PAX2: variants seen among roughly 807,000 people sequenced by gnomAD.
PAX2 encodes paired box 2.
In PAX2, 9 loss-of-function variants were observed where a neutral mutation model predicts 41.7. The observed-to-expected ratio is 0.22, with a 90% CI of 0.13 to 0.38. The LOEUF (loss-of-function observed/expected upper bound fraction) is 0.38, where lower values mean the gene tolerates loss of function less well. PAX2 is among the 10% of genes least tolerant of loss of function. The probability of loss-of-function intolerance (pLI) is 1.00; values close to 1 mark genes in which losing one functional copy is unlikely to be tolerated. For synonymous variants in PAX2, 221 were observed against 212.7 expected, an observed-to-expected ratio of 1.04 and a Z score of -0.34; for missense variants, 418 against 531.6, an observed-to-expected ratio of 0.79 and a Z score of 2.10.
chr10:100,790,137 A>T (rs1400668350), intron 5 of PAX2, among the ~76,000 whole-genome samples: 1 of 152,196 alleles, frequency 6.6e-6, no homozygotes, highest in African/African-American at 2.4e-5. Context: ...TTGTTTGGGG[A>T]AGTATTTTGG....
intron 5 of PAX2, among the ~76,000 whole-genome samples, chr10:100,788,915 C>T (rs1400310878): frequency 6.6e-6 from 1 of 152,066 alleles, no homozygotes; most frequent in Non-Finnish European, 1.5e-5. Context: ...CACATGCACA[C>T]CCAGCCATCC....
intron 3 of PAX2, among the ~76,000 whole-genome samples, chr10:100,774,186 C>T (rs1382516899): frequency 2.0e-5 from 3 of 152,210 alleles, no homozygotes; most frequent in Admixed American, 6.5e-5. Flanking sequence ...GAGTTTAACA[C>T]AGTGTTAATA....
At chr10:100,814,975 T>A (rs1396427766) in intron 7 of PAX2, among the ~76,000 whole-genome samples, 1 of 152,206 alleles carries the variant, frequency 6.6e-6, no homozygotes, top group Non-Finnish European at 1.5e-5. Flanking sequence ...GGGACCAGTG[T>A]GAGCAGTGTG....
Position 100,745,753 on chromosome 10 carries a change from C to T in PAX2, c.-508C>T. On this transcript the variant is annotated 5_prime_UTR_variant, in exon 1 of 10. Coordinates refer to ENST00000355243, the MANE Select transcript of PAX2 (RefSeq NM_000278.5). ...CGCTCCCCTCCCGCAGGCGCCACCTCGGACATCCCCGGGATTGCTACTTCT... is the reference window on the plus strand; with the variant it reads ...CGCTCCCCTCCCGCAGGCGCCACCTTGGACATCCCCGGGATTGCTACTTCT... The T allele has an allele frequency of 2.9e-6, 3 of 1,043,980 alleles. No individual in the cohort carries two copies. Among genetic ancestry groups the T allele is most frequent in the Non-Finnish European group, 3.5e-6 (3 of 865,922 alleles). 64.7% of individuals were successfully genotyped at this position (1,043,980 alleles called of 1,614,324 possible).
chr10:100,752,373 C>A (rs1185725009), intron 3 of PAX2, among the ~76,000 whole-genome samples: 1 of 152,204 alleles, frequency 6.6e-6, no homozygotes, highest in African/African-American at 2.4e-5. Context: ...GAGGAATAAG[C>A]CCTTTGCTTT....
chr10:100,779,540 G>A lies in PAX2; in HGVS notation c.453G>A (p.Pro151=), dbSNP rs199876625. ...TKVQQPFHPT[P]DGAGTGVTAP... is the part of the protein sequence containing the mutation. ...TTCAGCAGCCTTTCCACCCAACGCC[G>A]GATGGGGCTGGGACAGGAGTGACCG... is the stretch of plus-strand genomic sequence containing the variant. The change falls in exon 4 of 10, where the codon CCG becomes CCA. Residue 151 remains proline (P), a synonymous_variant. Coordinates refer to ENST00000355243, the MANE Select transcript of PAX2 (RefSeq NM_000278.5). 190 of 1,596,850 alleles carry A rather than the reference G, an allele frequency of 1.2e-4. No homozygotes were observed. The Middle Eastern group carries it at 1.3e-3, about 11-fold the overall frequency.
In PAX2 at chr10:100,746,183, TCTC is replaced by T. The variant is rs929533959; in HGVS notation, c.-74_-72del. 6.2e-6 allele frequency: 10 copies of T among 1,611,690 alleles called. No homozygotes were observed. The African/African-American group carries it at 1.2e-4, about 19-fold the overall frequency. On this transcript the variant is annotated 5_prime_UTR_variant, in exon 1 of 10. Coordinates refer to ENST00000355243, the MANE Select transcript of PAX2 (RefSeq NM_000278.5). Reference sequence around the variant, plus strand: ...TCCCTCCCCCACCGTCCCTCCCTTTTCTCCTCAAGTCCTGAAGTTGAGTTTGAG... The same window carrying T: ...TCCCTCCCCCACCGTCCCTCCCTTTTCTCAAGTCCTGAAGTTGAGTTTGAG...
At chr10:100,802,091 C>T (rs911276267) in intron 5 of PAX2, among the ~76,000 whole-genome samples, 1 of 152,192 alleles carries the variant, frequency 6.6e-6, no homozygotes, top group Non-Finnish European at 1.5e-5. Context: ...TGAACCCTCC[C>T]TCTATGGGGA....
intron 1 of PAX2, chr10:100,747,855 G>C: frequency 1.0e-6 from 1 of 984,878 alleles, no homozygotes; most frequent in Non-Finnish European, 1.2e-6. Context: ...CCTGCCTCGC[G>C]GCCCGCTGCC....
intron 3 of PAX2, among the ~76,000 whole-genome samples, chr10:100,758,726 A>AT (rs1201983279): frequency 1.3e-5 from 2 of 152,208 alleles, no homozygotes; most frequent in African/African-American, 2.4e-5. Flanking sequence ...TGCTGACCGA[A>AT]TAAAACTCAA....
Position 100,748,996 on chromosome 10 carries a change from C to CT in PAX2, c.44-749dup. The CT allele has an allele frequency of 1.0e-6, 1 of 985,448 alleles. No individual in the cohort carries two copies. The allele number at this position is 985,448 out of a possible 1,614,324, so 61.0% of individuals were successfully genotyped here. On this transcript the variant is annotated intron_variant, in intron 1 of 9. Transcript: ENST00000355243. This position sits in a 1 kb window ranked among gnomAD's most constrained non-coding sequence, Gnocchi z 5.0. ...TGCCTGCTGCCTGGAGCCGCTCTGC[C>CT]TCCCTGTCTCTGAGCGCAGCAGACC...
At chr10:100,788,676 T>TCCAGC (rs1293351214) in intron 5 of PAX2, among the ~76,000 whole-genome samples, 4 of 152,100 alleles carry the variant, frequency 2.6e-5, no homozygotes, top group Non-Finnish European at 5.9e-5. Flanking sequence ...TGCTCCCTGC[T>TCCAGC]TGGGAAGAGC....
At chr10:100,814,351 CAAAAAAAAAAA>C (rs11458573) in intron 7 of PAX2, among the ~76,000 whole-genome samples, 15 of 53,730 alleles carry the variant, frequency 2.8e-4, no homozygotes, top group Non-Finnish European at 3.9e-4. Context: ...GACTCCATCT[CAAAAAAAAAAA>C]AAAAAAAAAA....
chr10:100,751,997 A>G lies in PAX2; in HGVS notation c.410+1106A>G, dbSNP rs563184859. ...AATTCACATGGTGCCTTATTCTGAA[A>G]TTGGCATCACATATAAAGGATTTTT... On this transcript the variant is annotated intron_variant, in intron 3 of 9. Coordinates refer to ENST00000355243, the MANE Select transcript of PAX2 (RefSeq NM_000278.5). Among the ~76,000 whole-genome samples the G allele has an allele frequency of 1.2e-4, 19 of 152,374 alleles. No individual in the cohort carries two copies. In the South Asian group the frequency reaches 3.9e-3, roughly 32 times the overall value.
chr10:100,797,960 A>G (rs1847395837), intron 5 of PAX2, among the ~76,000 whole-genome samples: 1 of 152,042 alleles, frequency 6.6e-6, no homozygotes, highest in African/African-American at 2.4e-5. Flanking sequence ...GCCTCTCCCT[A>G]TTCATGAACT....
chr10:100,746,420 T>C (rs1845177937), intron 1 of PAX2, 117 bp downstream of exon 1: 2 of 786,502 alleles, frequency 2.5e-6, no homozygotes, highest in African/African-American at 1.7e-5. Context: ...CCTCCCTGGC[T>C]TCTGGTCCCT....
At chr10:100,755,561 C>T (rs1389048368) in intron 3 of PAX2, among the ~76,000 whole-genome samples, 1 of 152,186 alleles carries the variant, frequency 6.6e-6, no homozygotes, top group Non-Finnish European at 1.5e-5. Context: ...TACTCAATTG[C>T]TTTTATTATC....
chr10:100,824,827 C>G lies in PAX2; in HGVS notation c.1021+78C>G. 1 of 1,508,594 alleles carries G rather than the reference C, an allele frequency of 6.6e-7. No individual in the cohort carries two copies. The highest frequency in any genetic ancestry group is 9.2e-7 in the Non-Finnish European group (1 of 1,083,776). The allele number at this position is 1,508,594 out of a possible 1,614,324, so 93.5% of individuals were successfully genotyped here. A position where few individuals can be genotyped will look rare whatever the true frequency, so the allele number is the denominator to read the frequency against. On this transcript the variant is annotated intron_variant, in intron 8 of 9. Transcript: ENST00000355243. This position sits in a 1 kb window ranked among gnomAD's most constrained non-coding sequence, Gnocchi z 6.6. ...GGTGAGCTGCTGAATGGTCTGTAGTCTGAGGCTGGGGTGGGGGGAGACACA... is the reference window on the plus strand; with the variant it reads ...GGTGAGCTGCTGAATGGTCTGTAGTGTGAGGCTGGGGTGGGGGGAGACACA...
Position 100,827,867 on chromosome 10 carries a change from C to T in PAX2, c.*248C>T. On this transcript the variant is annotated 3_prime_UTR_variant, in exon 10 of 10. Transcript: ENST00000355243. The surrounding 1 kb of genome is among the most constrained non-coding windows in gnomAD (Gnocchi z 8.5). Reference sequence around the variant, plus strand: ...CGCCGCCCCCAGCCCCGCCTGCCGCCCCTCCCCGCCTGCCTGGACTGCGCG... The same window carrying T: ...CGCCGCCCCCAGCCCCGCCTGCCGCTCCTCCCCGCCTGCCTGGACTGCGCG... The T allele has an allele frequency of 1.8e-6, 1 of 568,834 alleles. No homozygotes were observed. The highest frequency in any genetic ancestry group is 3.1e-5 in the East Asian group (1 of 32,774). 35.2% of individuals were successfully genotyped at this position (568,834 alleles called of 1,614,324 possible).
Sources: allele counts gnomAD v4.1 joint callset (sites outside exome capture counted in the v4.1 genomes callset), GRCh38; gene constraint gnomAD v4.1.1; non-coding constraint Gnocchi (gnomAD v3.1); transcripts MANE v1.5; gene names NCBI Gene and HGNC (gene_info 2026-07-23, HGNC 2026-07-21).